Variants in FAM135B observed in about 807,000 individuals in gnomAD.
FAM135B encodes the protein protein FAM135B.
Under a neutral mutation model 127.7 loss-of-function variants are expected in FAM135B, and 43 were observed. That is an observed-to-expected ratio of 0.34 (90% confidence interval 0.26 to 0.43). FAM135B has a LOEUF of 0.43. FAM135B is among the 20% of genes least tolerant of loss of function. The pLI is 1.00. For missense variants in FAM135B, 1,558 were observed against 1,725.6 expected, an observed-to-expected ratio of 0.90 and a Z score of 1.72; for synonymous variants, 670 against 665.1, an observed-to-expected ratio of 1.01 and a Z score of -0.11.
chr8:138,186,181 C>T (rs1815554062), intron 9 of FAM135B, among the ~76,000 whole-genome samples: 1 of 152,184 alleles, frequency 6.6e-6, no homozygotes, highest in Admixed American at 6.5e-5. Context: ...CCTCTCGCTC[C>T]CTGGTTCCAG....
chr8:138,236,176 C>T (rs945345757), intron 7 of FAM135B, among the ~76,000 whole-genome samples: 1 of 152,160 alleles, frequency 6.6e-6, no homozygotes, highest in Non-Finnish European at 1.5e-5. Context: ...CCATATGTCA[C>T]GTGCCAGGCA....
At chr8:138,376,080 G>A (rs1247567197) in intron 1 of FAM135B, among the ~76,000 whole-genome samples, 1 of 151,934 alleles carries the variant, frequency 6.6e-6, no homozygotes, top group Non-Finnish European at 1.5e-5. Context: ...TGCAACCTCC[G>A]CCTCCTGGGT....
At chr8:138,339,183 A>G (rs923474462) in intron 2 of FAM135B, among the ~76,000 whole-genome samples, 2 of 152,016 alleles carry the variant, frequency 1.3e-5, no homozygotes, top group Admixed American at 6.6e-5. Flanking sequence ...TGGGTGCAGT[A>G]CACCAACATG....
intron 1 of FAM135B, among the ~76,000 whole-genome samples, chr8:138,415,734 C>T (rs903559679): frequency 2.6e-5 from 4 of 152,170 alleles, no homozygotes; most frequent in African/African-American, 9.7e-5. Context: ...CTAATCAAGA[C>T]AATATGGCCC....
At chr8:138,414,769 C>A (rs1255973395) in intron 1 of FAM135B, among the ~76,000 whole-genome samples, 10 of 152,136 alleles carry the variant, frequency 6.6e-5, no homozygotes, top group Non-Finnish European at 1.5e-4. Flanking sequence ...CAGTCCCCCA[C>A]TAAGAGGCTC....
intron 7 of FAM135B, among the ~76,000 whole-genome samples, chr8:138,233,998 C>T (rs1820090663): frequency 6.6e-6 from 1 of 152,186 alleles, no homozygotes; most frequent in Non-Finnish European, 1.5e-5. Context: ...ATTCACACCT[C>T]ATTGTCATCA....
chr8:138,276,523 C>G (rs1485827085), intron 3 of FAM135B, among the ~76,000 whole-genome samples: 2 of 152,150 alleles, frequency 1.3e-5, no homozygotes, highest in Non-Finnish European at 2.9e-5. Context: ...GATGGCAGAT[C>G]CCTCCAGCAG....
At chr8:138,244,881 G>C (rs1821158979) in intron 6 of FAM135B, among the ~76,000 whole-genome samples, 1 of 152,174 alleles carries the variant, frequency 6.6e-6, no homozygotes, top group African/African-American at 2.4e-5. Flanking sequence ...GCTTGTTTTA[G>C]TGAAGGCTAA....
chr8:138,353,594 A>G (rs1829908869), intron 2 of FAM135B, among the ~76,000 whole-genome samples: 1 of 152,234 alleles, frequency 6.6e-6, no homozygotes, highest in African/African-American at 2.4e-5. Flanking sequence ...CCAACAAAAT[A>G]AAATTTAGAC....
chr8:138,307,614 T>C (rs1826361061), intron 3 of FAM135B, among the ~76,000 whole-genome samples: 1 of 151,974 alleles, frequency 6.6e-6, no homozygotes, highest in Non-Finnish European at 1.5e-5. Flanking sequence ...ATATTAATAA[T>C]AACAGCTGCA....
intron 3 of FAM135B, among the ~76,000 whole-genome samples, chr8:138,307,264 T>C (rs575725637): frequency 6.6e-6 from 1 of 152,350 alleles, no homozygotes; most frequent in South Asian, 2.1e-4. Flanking sequence ...TCTGTCTCTA[T>C]TTGCCTGCTG....
chr8:138,488,389 A>T (rs1333046230), intron 1 of FAM135B, among the ~76,000 whole-genome samples: 1 of 152,084 alleles, frequency 6.6e-6, no homozygotes, highest in East Asian at 1.9e-4. Context: ...ATGCATCTCT[A>T]CTATTTCAGA....
chr8:138,206,014 ACTCCAGCATCCCCTTCACATACACACAG>A (rs1249746377), intron 7 of FAM135B, among the ~76,000 whole-genome samples: 1 of 150,812 alleles, frequency 6.6e-6, no homozygotes, highest in Non-Finnish European at 1.5e-5. Flanking sequence ...CCTATGCAAG[ACTCCAGCATCCCCTTCACATACACACAG>A]CTCCAGCATC....
At chr8:138,413,790 C>T (rs16909127) in intron 1 of FAM135B, among the ~76,000 whole-genome samples, 3,430 of 152,134 alleles carry the variant, frequency 0.023, 117 homozygotes, top group African/African-American at 0.074. Context: ...TTGCTGTTAT[C>T]AGTGCAGTTC....
intron 1 of FAM135B, among the ~76,000 whole-genome samples, chr8:138,467,312 A>G (rs571546981): frequency 2.0e-4 from 30 of 152,202 alleles, no homozygotes; most frequent in Non-Finnish European, 3.7e-4. Flanking sequence ...TAGTTGCTGG[A>G]CTATTTAACT....
At chr8:138,228,029 G>A (rs1262386923) in intron 7 of FAM135B, among the ~76,000 whole-genome samples, 2 of 152,114 alleles carry the variant, frequency 1.3e-5, no homozygotes, top group African/African-American at 4.8e-5. Context: ...CATACACACA[G>A]AAAAGCATCC....
At chr8:138,486,567 G>A (rs1037702099) in intron 1 of FAM135B, among the ~76,000 whole-genome samples, 1 of 152,186 alleles carries the variant, frequency 6.6e-6, no homozygotes, top group Non-Finnish European at 1.5e-5. Context: ...ATACTTGGGA[G>A]GATACGCTGC....
chr8:138,462,567 G>C (rs1406997997), intron 1 of FAM135B, among the ~76,000 whole-genome samples: 1 of 152,164 alleles, frequency 6.6e-6, no homozygotes, highest in East Asian at 1.9e-4. Context: ...GGGGAGAGGA[G>C]GGCAGGGTAA....
At chr8:138,193,862 C>T (rs1816367731) in intron 9 of FAM135B, among the ~76,000 whole-genome samples, 1 of 152,226 alleles carries the variant, frequency 6.6e-6, no homozygotes, top group Non-Finnish European at 1.5e-5. Flanking sequence ...CCCACAGCTG[C>T]TCCAAGGAGA....
Sources: allele counts gnomAD v4.1 joint callset (sites outside exome capture counted in the v4.1 genomes callset), GRCh38; gene constraint gnomAD v4.1.1; transcripts MANE v1.5; gene names NCBI Gene and HGNC (gene_info 2026-07-23, HGNC 2026-07-21).